ATG7: variants seen among roughly 807,000 people sequenced by gnomAD.
ATG7 encodes ubiquitin-like modifier-activating enzyme ATG7.
In ATG7, 70 loss-of-function variants were observed where a neutral mutation model predicts 82.4. The ratio of observed to expected loss-of-function variants is 0.85; its 90% CI spans 0.70 to 1.04. ATG7 has a LOEUF of 1.04. Among genes scored for constraint, ATG7 ranks in the 50% least tolerant of loss-of-function variants. ATG7 has a pLI of 0.00. For synonymous variants in ATG7, 287 were observed against 313.0 expected (o/e 0.92, Z 0.88); for missense variants, 792 against 864.3 (o/e 0.92, Z 1.05).
chr3:11,548,821 C>T (rs2071516542), intron 20 of ATG7, among the ~76,000 whole-genome samples: 1 of 152,210 alleles, frequency 6.6e-6, no homozygotes, highest in Admixed American at 6.5e-5. Context: ...TGTAAGAGAT[C>T]ATGCAGCAGG....
At chr3:11,502,091 T>A (rs1403434084) in intron 20 of ATG7, among the ~76,000 whole-genome samples, 1 of 152,026 alleles carries the variant, frequency 6.6e-6, no homozygotes, top group Non-Finnish European at 1.5e-5. Flanking sequence ...CAGTAACATA[T>A]GTCATTTATG....
Position 11,358,549 on chromosome 3 carries a change from C to T in ATG7, c.1416C>T (p.Phe472=). The T allele has an allele frequency of 6.2e-7, 1 of 1,614,058 alleles. No homozygotes were observed. Among genetic ancestry groups the T allele is most frequent in the South Asian group, 1.1e-5 (1 of 91,076 alleles). ...EQLIESHDVV[F]LLMDTRESRW... ...TCATCGAAAGCCATGATGTCGTCTTCCTATTGATGGACACCAGGGAGAGCC... is the reference window on the plus strand; with the variant it reads ...TCATCGAAAGCCATGATGTCGTCTTTCTATTGATGGACACCAGGGAGAGCC... The change falls in exon 15 of 21, where the codon TTC becomes TTT. Residue 472 remains phenylalanine (F), a synonymous_variant. Transcript: ENST00000693202.
chr3:11,573,367 GAAAGAAAGAAAGAA>G, the ATG7 span, among the ~76,000 whole-genome samples: 1 of 134,814 alleles, frequency 7.4e-6, no homozygotes, highest in Non-Finnish European at 1.6e-5. Context: ...AAGAAAGAAA[GAAAGAAAGAAAGAA>G]AGAAAGAAAG....
At chr3:11,369,234 GA>G (rs1225552996) in intron 18 of ATG7, among the ~76,000 whole-genome samples, 1 of 151,050 alleles carries the variant, frequency 6.6e-6, no homozygotes, top group Non-Finnish European at 1.5e-5. Context: ...GCTGAGGAGG[GA>G]AATCTTAGCA....
In ATG7 at chr3:11,556,842, G is replaced by A. The variant is rs1254215270; in HGVS notation, c.*1999G>A. On this transcript the variant is annotated 3_prime_UTR_variant, in exon 21 of 21. Coordinates refer to ENST00000693202, the MANE Select transcript of ATG7 (RefSeq NM_001349232.2). ...GGGGCCTGAATGCCAAAGCTTGGAA[G>A]CCCAGTACAGTGGGAGTGAAATGTG... The A allele has an allele frequency of 6.5e-6, 1 of 152,792 alleles. No homozygotes were observed. Among genetic ancestry groups the A allele is most frequent in the East Asian group, 1.9e-4 (1 of 5,332 alleles). 9.5% of individuals were successfully genotyped at this position (152,792 alleles called of 1,614,324 possible).
intron 3 of ATG7, among the ~76,000 whole-genome samples, chr3:11,293,229 T>C (rs1009631452): frequency 5.3e-5 from 8 of 152,096 alleles, no homozygotes; most frequent in African/African-American, 1.4e-4. Flanking sequence ...CAGAACTTGT[T>C]GTAGAAAGTG....
intron 20 of ATG7, among the ~76,000 whole-genome samples, chr3:11,537,107 G>C (rs1038982518): frequency 1.3e-5 from 2 of 151,986 alleles, no homozygotes; most frequent in Admixed American, 1.3e-4. Context: ...GTGCTCTGCT[G>C]TCAGCCCCCC....
At chr3:11,433,317 C>G (rs1378049042) in intron 20 of ATG7, among the ~76,000 whole-genome samples, 1 of 125,000 alleles carries the variant, frequency 8.0e-6, no homozygotes, top group East Asian at 2.3e-4. Context: ...AAAAAAAAAG[C>G]TGCGTTTGTT....
intron 20 of ATG7, among the ~76,000 whole-genome samples, chr3:11,542,530 C>T (rs1018706686): frequency 6.6e-6 from 1 of 152,084 alleles, no homozygotes; most frequent in Non-Finnish European, 1.5e-5. Context: ...TGTACCTTGC[C>T]ATGGGCCATG....
At chr3:11,573,341 A>G in the ATG7 span, among the ~76,000 whole-genome samples, 657 of 95,470 alleles carry the variant, frequency 6.9e-3, 15 homozygotes, top group Admixed American at 0.011. Context: ...GAAAGAAAGA[A>G]AGAAAGAAAG....
intron 19 of ATG7, among the ~76,000 whole-genome samples, chr3:11,380,914 C>G (rs1158495979): frequency 6.6e-6 from 1 of 152,136 alleles, no homozygotes; most frequent in Non-Finnish European, 1.5e-5. Flanking sequence ...ATGTATTTCT[C>G]TATTCTGAGT....
Position 11,313,302 on chromosome 3 carries a change from A to G in ATG7, c.412-2A>G, listed in dbSNP as rs754666048. On this transcript the variant is annotated splice_acceptor_variant, in intron 7 of 20. Transcript: ENST00000693202. LOFTEE classifies it high-confidence loss of function. Reference sequence around the variant, plus strand: ...ATAACTTATTTATACTTTTTTTTCTAGGATCTAAAGAAGTACCACTTCTAC... The same window carrying G: ...ATAACTTATTTATACTTTTTTTTCTGGGATCTAAAGAAGTACCACTTCTAC... 4.5e-6 allele frequency: 7 copies of G among 1,566,218 alleles called. No homozygotes were observed. Among genetic ancestry groups the G allele is most frequent in the Non-Finnish European group, 6.1e-6 (7 of 1,147,020 alleles).
At chr3:11,423,342 T>C (rs558728712) in intron 19 of ATG7, among the ~76,000 whole-genome samples, 18 of 152,236 alleles carry the variant, frequency 1.2e-4, no homozygotes, top group African/African-American at 3.6e-4. Flanking sequence ...ACAACAGATA[T>C]AATAATAATG....
intron 20 of ATG7, among the ~76,000 whole-genome samples, chr3:11,538,491 GTAAAAA>G (rs2070515945): frequency 6.6e-6 from 1 of 151,806 alleles, no homozygotes; most frequent in Non-Finnish European, 1.5e-5. Context: ...TTCCTTAAGT[GTAAAAA>G]TGCCATGGTA....
At chr3:11,568,132 G>C in the ATG7 span, among the ~76,000 whole-genome samples, 7 of 152,192 alleles carry the variant, frequency 4.6e-5, no homozygotes, top group African/African-American at 1.7e-4. The surrounding 1 kb of genome is among the most constrained non-coding windows in gnomAD (Gnocchi z 5.9). Flanking sequence ...TCTGGATCCG[G>C]GCAAGGATAA....
At chr3:11,400,510 G>A (rs73812446) in intron 19 of ATG7, among the ~76,000 whole-genome samples, 1,740 of 152,240 alleles carry the variant, frequency 0.011, 37 homozygotes, top group African/African-American at 0.039. Context: ...TGGGAATAAC[G>A]TTGCCATATT....
chr3:11,375,588 C>T (rs1214157479), intron 18 of ATG7, among the ~76,000 whole-genome samples: 2 of 152,194 alleles, frequency 1.3e-5, no homozygotes, highest in African/African-American at 4.8e-5. Flanking sequence ...AAGATGGAGC[C>T]TTGCTCTGTC....
At chr3:11,520,859 C>T (rs902201971) in intron 20 of ATG7, among the ~76,000 whole-genome samples, 2 of 152,202 alleles carry the variant, frequency 1.3e-5, no homozygotes, top group Non-Finnish European at 2.9e-5. Flanking sequence ...CCTCACCCGC[C>T]AGCATTCTTC....
At chr3:11,436,617 A>C (rs2083393128) in intron 20 of ATG7, among the ~76,000 whole-genome samples, 1 of 152,222 alleles carries the variant, frequency 6.6e-6, no homozygotes, top group South Asian at 2.1e-4. Flanking sequence ...AGTGTTCCTA[A>C]CACTATTATT....
Sources: gnomAD v4.1 joint callset for allele counts (sites outside exome capture counted in the v4.1 genomes callset) on GRCh38, gnomAD v4.1.1 for gene constraint, Gnocchi (gnomAD v3.1) non-coding constraint, MANE v1.5 for transcripts, NCBI Gene and HGNC (gene_info 2026-07-23, HGNC 2026-07-21) for gene names.